The following RIMS2 variants were observed in gnomAD, a reference collection of about 807,000 sequenced individuals.
RIMS2 encodes the protein regulating synaptic membrane exocytosis protein 2.
Under a neutral mutation model 174.4 loss-of-function variants are expected in RIMS2, and 59 were observed. That is an observed-to-expected ratio of 0.34 (90% CI 0.27 to 0.42). RIMS2 has a LOEUF of 0.42. Ranked by LOEUF, RIMS2 falls within the 10% of genes least tolerant of loss-of-function variation. RIMS2 has a pLI of 1.00. For missense variants in RIMS2, 1,620 were observed against 1,666.3 expected, an observed-to-expected ratio of 0.97 and a Z score of 0.48; for synonymous variants, 606 against 572.5, an observed-to-expected ratio of 1.06 and a Z score of -0.84.
At chr8:104,113,612 T>C (rs1208868282) in intron 19 of RIMS2, among the ~76,000 whole-genome samples, 1 of 152,052 alleles carries the variant, frequency 6.6e-6, no homozygotes, top group African/African-American at 2.4e-5. Context: ...GACTATCATT[T>C]TGGAATTGGC....
At chr8:103,524,333 A>C (rs933268031) in intron 1 of RIMS2, among the ~76,000 whole-genome samples, 1 of 152,142 alleles carries the variant, frequency 6.6e-6, no homozygotes, top group Non-Finnish European at 1.5e-5. Flanking sequence ...TGCTCATGGG[A>C]TAGTGCTGAT....
intron 2 of RIMS2, among the ~76,000 whole-genome samples, chr8:103,763,950 C>T (rs2098139425): frequency 6.6e-6 from 1 of 152,148 alleles, no homozygotes; most frequent in South Asian, 2.1e-4. Flanking sequence ...TGCCATAGAC[C>T]GGTGGTTCTC....
Position 103,921,663 on chromosome 8 carries a change from T to C in RIMS2, c.2084-9T>C, listed in dbSNP as rs1415891596. The C allele has an allele frequency of 1.9e-6, 2 of 1,061,372 alleles. No homozygotes were observed. The highest frequency in any genetic ancestry group is 2.0e-4 in the Middle Eastern group (1 of 5,014). The allele number at this position is 1,061,372 out of a possible 1,614,324, so 65.7% of individuals were successfully genotyped here. A position where few individuals can be genotyped will look rare whatever the true frequency, so the allele number is the denominator to read the frequency against. On this transcript the variant is annotated splice_polypyrimidine_tract_variant and intron_variant, in intron 9 of 23. Transcript: ENST00000504942. ...TGTTATTATTCGTTATGTGTAATTATCGTTTCAGGTTCTAGCTCCTTTGAA... is the reference window on the plus strand; with the variant it reads ...TGTTATTATTCGTTATGTGTAATTACCGTTTCAGGTTCTAGCTCCTTTGAA...
chr8:104,208,155 C>G (rs924060270), intron 19 of RIMS2, among the ~76,000 whole-genome samples: 12 of 152,052 alleles, frequency 7.9e-5, no homozygotes, highest in Non-Finnish European at 1.8e-4. Flanking sequence ...TGAAATATTC[C>G]TGGCCAGAGA....
At chr8:104,187,596 A>G (rs1318701823) in intron 19 of RIMS2, among the ~76,000 whole-genome samples, 1 of 151,830 alleles carries the variant, frequency 6.6e-6, no homozygotes, top group East Asian at 1.9e-4. Flanking sequence ...CCAACATTAA[A>G]AGCAACACAC....
chr8:103,537,514 G>T (rs192092817), intron 1 of RIMS2, among the ~76,000 whole-genome samples: 4 of 152,252 alleles, frequency 2.6e-5, no homozygotes, highest in African/African-American at 9.6e-5. Flanking sequence ...AGCAATTTGA[G>T]ACCTTGAGAT....
intron 1 of RIMS2, among the ~76,000 whole-genome samples, chr8:103,545,537 T>C (rs934710258): frequency 6.6e-5 from 10 of 152,172 alleles, no homozygotes; most frequent in African/African-American, 1.9e-4. Context: ...CCCTGTGAGA[T>C]ACTATACAAG....
At chr8:103,626,517 C>G (rs1362162117) in intron 1 of RIMS2, among the ~76,000 whole-genome samples, 11 of 152,080 alleles carry the variant, frequency 7.2e-5, no homozygotes, top group Non-Finnish European at 1.6e-4. Context: ...AAACTACAAA[C>G]AAGTTAAAAT....
intron 19 of RIMS2, among the ~76,000 whole-genome samples, chr8:104,069,723 C>T (rs542068029): frequency 6.6e-6 from 1 of 152,158 alleles, no homozygotes; most frequent in Admixed American, 6.5e-5. Flanking sequence ...CTGCCTCAGC[C>T]CAAAGTGCTG....
At chr8:104,135,009 C>CA (rs33946246) in intron 19 of RIMS2, among the ~76,000 whole-genome samples, 33,226 of 151,556 alleles carry the variant, frequency 0.22, 3,849 homozygotes, top group South Asian at 0.34. Flanking sequence ...ATTTTTGGTG[C>CA]AAAAAAAATT....
chr8:103,794,539 T>TA (rs1407204731), intron 3 of RIMS2, among the ~76,000 whole-genome samples: 2 of 152,142 alleles, frequency 1.3e-5, no homozygotes, highest in Non-Finnish European at 2.9e-5. Flanking sequence ...ACTTCATGAC[T>TA]AAAACACCAA....
chr8:103,617,759 A>C (rs1397143165), intron 1 of RIMS2, among the ~76,000 whole-genome samples: 1 of 152,176 alleles, frequency 6.6e-6, no homozygotes, highest in Non-Finnish European at 1.5e-5. Context: ...AAAAAAATTC[A>C]GTATTAGTGA....
At chr8:103,626,548 C>T (rs757456194) in intron 1 of RIMS2, among the ~76,000 whole-genome samples, 4 of 152,140 alleles carry the variant, frequency 2.6e-5, no homozygotes, top group African/African-American at 4.8e-5. Context: ...AGCTGTTGCA[C>T]ATAAAAGTGA....
At chr8:103,808,413 C>A (rs929762434) in intron 3 of RIMS2, among the ~76,000 whole-genome samples, 8 of 152,082 alleles carry the variant, frequency 5.3e-5, no homozygotes, top group African/African-American at 1.9e-4. Flanking sequence ...TAAATTTTAT[C>A]TCCGGGTGAT....
chr8:103,571,282 C>T (rs1024577313), intron 1 of RIMS2, among the ~76,000 whole-genome samples: 2 of 152,060 alleles, frequency 1.3e-5, no homozygotes, highest in African/African-American at 2.4e-5. Context: ...ATTTCAAATC[C>T]CCTAATATAC....
chr8:103,757,278 G>A (rs2098033546), intron 2 of RIMS2, among the ~76,000 whole-genome samples: 1 of 151,984 alleles, frequency 6.6e-6, no homozygotes, highest in Admixed American at 6.6e-5. Context: ...TCACACAAAC[G>A]AATCTTGCAT....
At chr8:104,239,686 A>G (rs1000385439) in intron 19 of RIMS2, among the ~76,000 whole-genome samples, 7 of 152,196 alleles carry the variant, frequency 4.6e-5, no homozygotes, top group African/African-American at 1.2e-4. Context: ...CATGTAAAAA[A>G]CTTATCTACA....
chr8:103,669,860 A>G (rs1224557774), intron 1 of RIMS2, among the ~76,000 whole-genome samples: 1 of 152,208 alleles, frequency 6.6e-6, no homozygotes, highest in Non-Finnish European at 1.5e-5. Context: ...TGCACAGTGC[A>G]AGCTGTCAGT....
At chr8:103,663,591 C>T (rs1349396729) in intron 1 of RIMS2, among the ~76,000 whole-genome samples, 1 of 152,158 alleles carries the variant, frequency 6.6e-6, no homozygotes, top group East Asian at 1.9e-4. Flanking sequence ...TGAGGGACCT[C>T]TTCAAGGAGA....
Sources: allele counts gnomAD v4.1 joint callset (sites outside exome capture counted in the v4.1 genomes callset), GRCh38; gene constraint gnomAD v4.1.1; transcripts MANE v1.5; gene names NCBI Gene and HGNC (gene_info 2026-07-23, HGNC 2026-07-21).